RHOU: variants seen among roughly 807,000 people sequenced by gnomAD.
The protein encoded by RHOU is ras homolog family member U, also known as rho-related GTP-binding protein RhoU.
RHOU carries 8 observed loss-of-function variants against 12.6 expected under a neutral mutation model. The observed-to-expected ratio is 0.64, with a 90% CI of 0.37 to 1.15. The LOEUF (loss-of-function observed/expected upper bound fraction) is 1.15. Ranked by LOEUF, RHOU falls within the 50% of genes most tolerant of loss-of-function variation. The pLI is 0.01. For synonymous variants in RHOU, 161 were observed against 147.4 expected (o/e 1.09, Z -0.67); for missense variants, 258 against 347.0 (o/e 0.74, Z 2.04).
At chr1:228,734,679 C>T (rs1037267024), upstream of RHOU, among the ~76,000 whole-genome samples, 1 of 152,242 alleles carries the variant, frequency 6.6e-6, no homozygotes. Context: ...ACCCCCAGGA[C>T]TCTTGGTATT....
At chr1:228,678,077 C>T in the RHOU span, among the ~76,000 whole-genome samples, 1 of 152,110 alleles carries the variant, frequency 6.6e-6, no homozygotes, top group East Asian at 1.9e-4. Flanking sequence ...AGGGGCAAAT[C>T]CCCGAGCTTG....
chr1:228,647,672 T>C, the RHOU span, among the ~76,000 whole-genome samples: 5 of 152,214 alleles, frequency 3.3e-5, no homozygotes, highest in Non-Finnish European at 7.3e-5. Context: ...CAGGGAATCC[T>C]GGCCTGCACC....
the RHOU span, among the ~76,000 whole-genome samples, chr1:228,713,821 A>G: frequency 1.3e-5 from 2 of 152,146 alleles, no homozygotes; most frequent in South Asian, 4.1e-4. Context: ...AACTGACCCA[A>G]CTGTGGGATC....
At chr1:228,741,265 G>A (rs1411337974) in intron 2 of RHOU, among the ~76,000 whole-genome samples, 2 of 152,142 alleles carry the variant, frequency 1.3e-5, no homozygotes, top group African/African-American at 4.8e-5. Context: ...CATTCCAGTT[G>A]TCCTCATTGC....
chr1:228,699,143 C>A, the RHOU span, among the ~76,000 whole-genome samples: 1 of 150,700 alleles, frequency 6.6e-6, no homozygotes, highest in Non-Finnish European at 1.5e-5. Context: ...TGTATTAAAG[C>A]CTTACCGGGC....
the RHOU span, among the ~76,000 whole-genome samples, chr1:228,666,444 C>T: frequency 3.1e-4 from 47 of 152,164 alleles, no homozygotes; most frequent in Admixed American, 2.6e-3. Flanking sequence ...ATTCAATATC[C>T]TCTTTCTCAC....
chr1:228,684,223 G>C, the RHOU span, among the ~76,000 whole-genome samples: 1 of 152,026 alleles, frequency 6.6e-6, no homozygotes, highest in African/African-American at 2.4e-5. Context: ...TTTTAGTAGC[G>C]ATAGGGTTTC....
At chr1:228,659,966 C>CAAAAAAAAAAAAAA in the RHOU span, among the ~76,000 whole-genome samples, 1 of 76,692 alleles carries the variant, frequency 1.3e-5, no homozygotes, top group Non-Finnish European at 2.7e-5. Context: ...AAAAAAAAAA[C>CAAAAAAAAAAAAAA]AAAAAAAAAA....
the RHOU span, among the ~76,000 whole-genome samples, chr1:228,647,223 T>A: frequency 1.3e-5 from 2 of 152,062 alleles, no homozygotes; most frequent in African/African-American, 2.4e-5. Context: ...CTTGGATGAA[T>A]TGCTTGCTTT....
chr1:228,742,275 T>C (rs1662739079), intron 2 of RHOU, among the ~76,000 whole-genome samples: 1 of 152,184 alleles, frequency 6.6e-6, no homozygotes. Context: ...GAAATGGTAA[T>C]TTGGAGAACA....
the RHOU span, among the ~76,000 whole-genome samples, chr1:228,670,623 T>C: frequency 6.6e-6 from 1 of 152,194 alleles, no homozygotes; most frequent in African/African-American, 2.4e-5. Flanking sequence ...TTGGATGAGA[T>C]CTTCCTACTT....
chr1:228,683,679 T>C, the RHOU span, among the ~76,000 whole-genome samples: 2 of 152,222 alleles, frequency 1.3e-5, no homozygotes, highest in African/African-American at 2.4e-5. Flanking sequence ...CAAATTGTAA[T>C]TGATGATGGC....
At chr1:228,690,601 C>A in the RHOU span, among the ~76,000 whole-genome samples, 2 of 150,158 alleles carry the variant, frequency 1.3e-5, no homozygotes, top group Admixed American at 6.6e-5. Context: ...GGATTACAGG[C>A]GTGAGCCACC....
At chr1:228,696,027 T>C in the RHOU span, among the ~76,000 whole-genome samples, 25 of 152,230 alleles carry the variant, frequency 1.6e-4, no homozygotes, top group African/African-American at 6.0e-4. Context: ...TTACGAATTA[T>C]ATGCCAAGAG....
chr1:228,695,992 C>T, the RHOU span, among the ~76,000 whole-genome samples: 2 of 152,172 alleles, frequency 1.3e-5, no homozygotes, highest in Non-Finnish European at 2.9e-5. Flanking sequence ...TAAAAAGACA[C>T]ATCACTTTGG....
the RHOU span, among the ~76,000 whole-genome samples, chr1:228,662,584 G>GA: frequency 7.0e-6 from 1 of 143,208 alleles, no homozygotes; most frequent in Non-Finnish European, 1.5e-5. Flanking sequence ...CACGAGGACA[G>GA]AAAACCAAAC....
At chr1:228,676,461 C>T in the RHOU span, among the ~76,000 whole-genome samples, 1 of 152,186 alleles carries the variant, frequency 6.6e-6, no homozygotes, top group Non-Finnish European at 1.5e-5. Context: ...GAGTTTGAGA[C>T]CAGCCTGGTC....
the RHOU span, among the ~76,000 whole-genome samples, chr1:228,705,485 T>C: frequency 6.6e-6 from 1 of 152,172 alleles, no homozygotes; most frequent in South Asian, 2.1e-4. Flanking sequence ...CAGATCCCCT[T>C]GATTGACTTA....
At chr1:228,732,981 A>T (rs1278116394), upstream of RHOU, among the ~76,000 whole-genome samples, 1 of 152,262 alleles carries the variant, frequency 6.6e-6, no homozygotes, top group East Asian at 1.9e-4. Context: ...AAACTGCTTG[A>T]CACACTTCTA....
Sources: gnomAD v4.1 joint callset for allele counts (sites outside exome capture counted in the v4.1 genomes callset) on GRCh38, gnomAD v4.1.1 for gene constraint, MANE v1.5 for transcripts, NCBI Gene and HGNC (gene_info 2026-07-23, HGNC 2026-07-21) for gene names.